The following GSE1 variants were observed in gnomAD, a reference collection of about 807,000 sequenced individuals.
GSE1 encodes the protein genetic suppressor element 1.
In GSE1, 32 loss-of-function variants were observed where a neutral mutation model predicts 112.6. The ratio of observed to expected loss-of-function variants is 0.28; its 90% confidence interval spans 0.21 to 0.38. The LOEUF (loss-of-function observed/expected upper bound fraction) is 0.38, where lower values mean the gene tolerates loss of function less well. Ranked by LOEUF, GSE1 falls within the 10% of genes least tolerant of loss-of-function variation. The pLI is 1.00. For synonymous variants in GSE1, 1,115 were observed against 735.6 expected (o/e 1.52, Z -8.35); for missense variants, 2,348 against 1,699.2 (o/e 1.38, Z -6.71).
intron 1 of GSE1, among the ~76,000 whole-genome samples, chr16:85,574,020 C>T (rs1598239953): frequency 6.6e-6 from 1 of 152,204 alleles, no homozygotes; most frequent in Non-Finnish European, 1.5e-5. Flanking sequence ...GCTCAGCCCC[C>T]GCGGGGACTG....
intron 2 of GSE1, among the ~76,000 whole-genome samples, chr16:85,521,259 A>G (rs140660839): frequency 7.0e-4 from 106 of 152,280 alleles, no homozygotes; most frequent in African/African-American, 2.4e-3. Flanking sequence ...GTTTAGATTT[A>G]GAGACATAAA....
intron 1 of GSE1, among the ~76,000 whole-genome samples, chr16:85,266,065 G>A (rs1908210099): frequency 6.6e-6 from 1 of 152,212 alleles, no homozygotes; most frequent in South Asian, 2.1e-4. Context: ...GTGAGGAAGG[G>A]AATCGCTCAT....
At chr16:85,276,664 G>A (rs566173988) in intron 1 of GSE1, among the ~76,000 whole-genome samples, 5 of 152,314 alleles carry the variant, frequency 3.3e-5, no homozygotes, top group East Asian at 3.9e-4. Flanking sequence ...AGGATGCTTC[G>A]GTGGCGGGAG....
At chr16:85,478,907 CTTTCTTTCTTTCTTTCTT>C (rs2050570157) in intron 2 of GSE1, among the ~76,000 whole-genome samples, 1 of 50,966 alleles carries the variant, frequency 2.0e-5, no homozygotes, top group African/African-American at 8.9e-5. Context: ...TTCTTTCTTT[CTTTCTTTCTTTCTTTCTT>C]TCTCTTTCTT....
upstream of GSE1, chr16:85,554,847 G>C (rs896902458): frequency 1.3e-4 from 130 of 984,250 alleles, no homozygotes; most frequent in Middle Eastern, 5.2e-4. Context: ...CAGCCGGAGG[G>C]GGGGCCAGCG....
intron 3 of GSE1, among the ~76,000 whole-genome samples, chr16:85,652,549 G>A (rs865797745): frequency 3.4e-5 from 5 of 148,518 alleles, no homozygotes; most frequent in South Asian, 2.1e-4. Flanking sequence ...GATTCCAGGC[G>A]GCGGCGGCGG....
At chr16:85,271,757 G>A (rs998863498) in intron 1 of GSE1, among the ~76,000 whole-genome samples, 4 of 152,198 alleles carry the variant, frequency 2.6e-5, no homozygotes, top group Admixed American at 6.5e-5. Flanking sequence ...GTGACAGAGG[G>A]GAAGTGGGGA....
rs2047923446 is a variant in GSE1 at position 85,394,541 on chromosome 16, T to C, written c.2464+36898T>C. On this transcript the variant is annotated intron_variant, in intron 2 of 2. Coordinates refer to the GSE1 transcript ENST00000637419. ...TTTATGTACCCTCCCCTGTGCCCAT[T>C]TGTGGGGTCACTGGTTTAGTCCTGG... Among the ~76,000 whole-genome samples the C allele has an allele frequency of 3.3e-5, 5 of 152,128 alleles. No homozygotes were observed. In the South Asian group the frequency reaches 1.0e-3, roughly 32 times the overall value.
intron 1 of GSE1, among the ~76,000 whole-genome samples, chr16:85,568,833 T>C (rs1211644935): frequency 1.3e-5 from 2 of 152,132 alleles, no homozygotes; most frequent in African/African-American, 4.8e-5. Flanking sequence ...TCACCCTGGG[T>C]TCACAGCGGT....
intron 1 of GSE1, among the ~76,000 whole-genome samples, chr16:85,250,117 T>G (rs987155440): frequency 2.6e-5 from 4 of 152,188 alleles, no homozygotes; most frequent in Non-Finnish European, 5.9e-5. Flanking sequence ...CTCGGTTCTC[T>G]CCTAGTTTCG....
intron 14 of GSE1, among the ~76,000 whole-genome samples, chr16:85,669,340 TCAAACA>T (rs1352884316): frequency 1.3e-5 from 2 of 152,258 alleles, no homozygotes; most frequent in African/African-American, 4.8e-5. Context: ...GTAAATATCA[TCAAACA>T]CAAAGACTTG....
At chr16:85,323,401 G>C (rs2151502811) in intron 1 of GSE1, among the ~76,000 whole-genome samples, 1 of 152,268 alleles carries the variant, frequency 6.6e-6, no homozygotes, top group East Asian at 1.9e-4. Flanking sequence ...TGGCGGACCA[G>C]GCCTTGGGAG....
At chr16:85,485,039 C>T (rs541302885) in intron 2 of GSE1, among the ~76,000 whole-genome samples, 1 of 152,326 alleles carries the variant, frequency 6.6e-6, no homozygotes, top group East Asian at 1.9e-4. Flanking sequence ...CAACAGTGAT[C>T]GCCCCTTGCC....
chr16:85,296,546 G>A (rs548240526), intron 1 of GSE1, among the ~76,000 whole-genome samples: 5 of 152,214 alleles, frequency 3.3e-5, no homozygotes, highest in African/African-American at 4.8e-5. Context: ...GGTGGAGGTT[G>A]CAGTGAGCCA....
chr16:85,612,948 A>T (rs1248494924), upstream of GSE1, among the ~76,000 whole-genome samples: 1 of 152,182 alleles, frequency 6.6e-6, no homozygotes, highest in Non-Finnish European at 1.5e-5. Flanking sequence ...CTTAGCCACC[A>T]AGGTCCCCGG....
intron 1 of GSE1, among the ~76,000 whole-genome samples, chr16:85,574,873 A>G (rs1185313336): frequency 2.6e-5 from 4 of 152,114 alleles, no homozygotes; most frequent in African/African-American, 9.7e-5. Flanking sequence ...TGCCCTGGTT[A>G]TATTGGGATC....
chr16:85,651,591 G>T (rs1259345497), intron 3 of GSE1, among the ~76,000 whole-genome samples: 2 of 152,190 alleles, frequency 1.3e-5, no homozygotes, highest in Non-Finnish European at 1.5e-5. Context: ...CCCGGCCCAC[G>T]GCGCGGGCAG....
intron 1 of GSE1, among the ~76,000 whole-genome samples, chr16:85,297,256 G>A (rs2045394315): frequency 1.3e-5 from 2 of 152,244 alleles, no homozygotes; most frequent in Admixed American, 6.5e-5. Context: ...GTCAGTGGGC[G>A]TTGAAAATTG....
intron 2 of GSE1, among the ~76,000 whole-genome samples, chr16:85,447,479 G>A (rs551622944): frequency 6.6e-6 from 1 of 152,208 alleles, no homozygotes; most frequent in Non-Finnish European, 1.5e-5. Context: ...ACACTGGTGC[G>A]CTGTGAGGAC....
Sources: allele counts gnomAD v4.1 joint callset (sites outside exome capture counted in the v4.1 genomes callset), GRCh38; gene constraint gnomAD v4.1.1; transcripts MANE v1.5; gene names NCBI Gene and HGNC (gene_info 2026-07-23, HGNC 2026-07-21).